The following PIGX variants were observed in gnomAD, a reference collection of about 807,000 sequenced individuals.
PIGX encodes the protein GPI alpha-1,4-mannosyltransferase I, stabilizing subunit.
A neutral mutation model predicts 28.7 loss-of-function variants in PIGX; 24 were observed. The observed-to-expected ratio is 0.84, with a 90% CI of 0.60 to 1.17. The LOEUF is 1.17. Among genes scored for constraint, PIGX ranks in the 50% most tolerant of loss-of-function variants. The pLI, the probability that PIGX is intolerant of heterozygous loss-of-function variation, is 0.00. For synonymous variants in PIGX, 127 were observed against 121.0 expected (o/e 1.05, Z -0.33); for missense variants, 305 against 317.8 (o/e 0.96, Z 0.31).
rs1158617052 is a variant in PIGX at position 196,731,013 on chromosome 3, G to A, written c.554G>A (p.Trp185Ter). Residue 185 changes from tryptophan (W) to a stop codon, truncating the protein, a stop_gained, in exon 5 of 6, where the codon TGG (tryptophan) becomes TAG (stop). Coordinates refer to ENST00000392391, the MANE Select transcript of PIGX (RefSeq NM_017861.4). LOFTEE classifies it high-confidence loss of function. ...TCAGAGTTCCCGATTTTGAAATGCTGGGCTCACTCAGAAGTGGCAGCCCCT... is the reference window on the plus strand; with the variant it reads ...TCAGAGTTCCCGATTTTGAAATGCTAGGCTCACTCAGAAGTGGCAGCCCCT... 2 of 1,609,826 alleles carry A rather than the reference G, an allele frequency of 1.2e-6. No homozygotes were observed. The highest frequency in any genetic ancestry group is 1.3e-5 in the African/African-American group (1 of 74,892).
At chr3:196,713,386 C>T (rs531258851) in intron 1 of PIGX, among the ~76,000 whole-genome samples, 1 of 151,860 alleles carries the variant, frequency 6.6e-6, no homozygotes, top group African/African-American at 2.4e-5. Flanking sequence ...CTGCAACCTC[C>T]GCCTTTCCCA....
At position 196,733,684 on chromosome 3, in the gene PIGX, A is replaced by G. The variant is rs1712906994; in HGVS notation, c.634-75A>G. 1.8e-6 allele frequency: 2 copies of G among 1,120,096 alleles called. No homozygotes were observed. Among genetic ancestry groups the G allele is most frequent in the African/African-American group, 1.5e-5 (1 of 65,010 alleles). 69.4% of individuals were successfully genotyped at this position (1,120,096 alleles called of 1,614,324 possible). Reference sequence around the variant, plus strand: ...CGCCTTGGCCTCCCGAAGTGCTGGGATTACAGGCATGAGCTACCACACCGG... The same window carrying G: ...CGCCTTGGCCTCCCGAAGTGCTGGGGTTACAGGCATGAGCTACCACACCGG... On this transcript the variant is annotated intron_variant, in intron 5 of 5. Coordinates refer to ENST00000392391, the MANE Select transcript of PIGX (RefSeq NM_017861.4). This position sits in a 1 kb window ranked among gnomAD's most constrained non-coding sequence, Gnocchi z 4.3.
intron 2 of PIGX, among the ~76,000 whole-genome samples, chr3:196,719,604 G>A (rs916031885): frequency 2.0e-5 from 3 of 152,096 alleles, no homozygotes; most frequent in Non-Finnish European, 4.4e-5. Flanking sequence ...CCATGTCACA[G>A]ATACTGTTTT....
In PIGX at chr3:196,733,699, T is replaced by C. The variant is rs1335591446; in HGVS notation, c.634-60T>C. 3.1e-6 allele frequency: 4 copies of C among 1,285,882 alleles called. No homozygotes were observed. Among genetic ancestry groups the C allele is most frequent in the Admixed American group, 1.7e-5 (1 of 58,318 alleles). 79.7% of individuals were successfully genotyped at this position (1,285,882 alleles called of 1,614,324 possible). A position where few individuals can be genotyped will look rare whatever the true frequency, so the allele number is the denominator to read the frequency against. The stretch of plus-strand genomic sequence containing the variant: ...AAGTGCTGGGATTACAGGCATGAGC[T>C]ACCACACCGGGCCCATGACATGCAT... On this transcript the variant is annotated intron_variant, in intron 5 of 5. Coordinates refer to ENST00000392391, the MANE Select transcript of PIGX (RefSeq NM_017861.4). The surrounding 1 kb of genome is among the most constrained non-coding windows in gnomAD (Gnocchi z 4.3).
At chr3:196,732,701 C>G (rs1477910469) in intron 5 of PIGX, among the ~76,000 whole-genome samples, 1 of 152,088 alleles carries the variant, frequency 6.6e-6, no homozygotes, top group Non-Finnish European at 1.5e-5. Context: ...TCAGATAGCA[C>G]TTTGTTGCAG....
intron 3 of PIGX, 113 bp from the exon 4 acceptor site, chr3:196,727,810 A>C (rs1712587640): frequency 1.6e-6 from 1 of 615,064 alleles, no homozygotes; most frequent in African/African-American, 1.9e-5. Context: ...TTGCTTATAA[A>C]AGGGGCAAAT....
chr3:196,720,580 A>G (rs1196879672), intron 2 of PIGX, among the ~76,000 whole-genome samples: 3 of 152,074 alleles, frequency 2.0e-5, no homozygotes, highest in Non-Finnish European at 2.9e-5. Context: ...TGATAATTCT[A>G]TTGTAATTTT....
At chr3:196,716,831 T>TA (rs539918082) in intron 1 of PIGX, 27 bp from the exon 2 acceptor site, 590 of 1,341,678 alleles carry the variant, frequency 4.4e-4, no homozygotes, top group South Asian at 6.9e-4. Flanking sequence ...CTTTTGTTTT[T>TA]AAAAAAAAAT....
intron 3 of PIGX, among the ~76,000 whole-genome samples, chr3:196,725,351 C>T (rs1194638860): frequency 6.6e-6 from 1 of 152,074 alleles, no homozygotes; most frequent in Non-Finnish European, 1.5e-5. Context: ...TGAAAAAAGT[C>T]ATTGAATATC....
intron 1 of PIGX, 37 bp downstream of exon 1, chr3:196,712,681 A>G: frequency 8.5e-7 from 1 of 1,174,602 alleles, no homozygotes. Context: ...AGAGCGTGGG[A>G]GCGGTCCCGG....
At chr3:196,727,203 GTA>G (rs1255747406) in intron 3 of PIGX, among the ~76,000 whole-genome samples, 1 of 152,150 alleles carries the variant, frequency 6.6e-6, no homozygotes, top group Non-Finnish European at 1.5e-5. Context: ...GCCTGTGTGT[GTA>G]TGTGGATATA....
chr3:196,732,237 TATATATATATATA>T (rs1295585811), intron 5 of PIGX, among the ~76,000 whole-genome samples: 2 of 63,208 alleles, frequency 3.2e-5, no homozygotes, highest in African/African-American at 7.3e-5. Flanking sequence ...TATATATATA[TATATATATATATA>T]TATATATTTT....
intron 3 of PIGX, among the ~76,000 whole-genome samples, chr3:196,722,874 A>G (rs1712375561): frequency 6.6e-6 from 1 of 152,248 alleles, no homozygotes; most frequent in South Asian, 2.1e-4. Flanking sequence ...TGAGAATGAC[A>G]TATACCCCAA....
intron 3 of PIGX, among the ~76,000 whole-genome samples, chr3:196,725,867 A>G (rs1037129250): frequency 2.0e-5 from 3 of 152,228 alleles, no homozygotes; most frequent in Non-Finnish European, 4.4e-5. Context: ...TTAGTCCTGC[A>G]TAACAAATCT....
chr3:196,721,869 C>T (rs1002792102), intron 2 of PIGX, among the ~76,000 whole-genome samples: 1 of 152,146 alleles, frequency 6.6e-6, no homozygotes, highest in Non-Finnish European at 1.5e-5. Flanking sequence ...TCTCCTGCCT[C>T]AGCCTCCTGA....
Position 196,733,809 on chromosome 3 carries a change from C to T in PIGX, c.684C>T (p.Thr228=), listed in dbSNP as rs34830136. The change falls in exon 6 of 6, where the codon ACC becomes ACT. Residue 228 remains threonine, a synonymous_variant. Coordinates refer to ENST00000392391, the MANE Select transcript of PIGX (RefSeq NM_017861.4). The surrounding 1 kb of genome is among the most constrained non-coding windows in gnomAD (Gnocchi z 4.3). ...TTCCAGTGGGACTGACTGTACATAC[C>T]TCTCTAGTATGTTCTGTGACTCTGC... 0.2 allele frequency: 309,242 copies of T among 1,552,596 alleles called. 32,649 individuals are homozygous for T. The highest frequency in any genetic ancestry group is 0.22 in the Middle Eastern group (1,310 of 5,950).
intron 1 of PIGX, among the ~76,000 whole-genome samples, chr3:196,715,054 A>G (rs1460760293): frequency 2.0e-5 from 3 of 152,206 alleles, no homozygotes; most frequent in Non-Finnish European, 4.4e-5. Flanking sequence ...GCAGCCTGGC[A>G]ACAGAGTGAG....
chr3:196,712,683 C>T, intron 1 of PIGX, 39 bp downstream of exon 1: 1 of 1,173,680 alleles, frequency 8.5e-7, no homozygotes, highest in Non-Finnish European at 1.1e-6. Context: ...AGCGTGGGAG[C>T]GGTCCCGGCT....
intron 2 of PIGX, among the ~76,000 whole-genome samples, chr3:196,720,007 T>C (rs1452321903): frequency 6.6e-6 from 1 of 152,230 alleles, no homozygotes; most frequent in Admixed American, 6.5e-5. Context: ...TTCCATCTCC[T>C]GACCTCGTGA....
Sources: gnomAD v4.1 joint callset for allele counts (sites outside exome capture counted in the v4.1 genomes callset) on GRCh38, gnomAD v4.1.1 for gene constraint, Gnocchi (gnomAD v3.1) non-coding constraint, MANE v1.5 for transcripts, NCBI Gene and HGNC (gene_info 2026-07-23, HGNC 2026-07-21) for gene names.